Variants in CYP7B1 observed in about 807,000 individuals in gnomAD.
CYP7B1 encodes cytochrome P450 7B1.
In CYP7B1, 29 loss-of-function variants were observed where a neutral mutation model predicts 42.7. The ratio of observed to expected loss-of-function variants is 0.68; its 90% CI spans 0.51 to 0.93. CYP7B1 has a LOEUF of 0.93. Among genes scored for constraint, CYP7B1 ranks in the 40% least tolerant of loss-of-function variants. CYP7B1 has a pLI of 0.00. For synonymous variants in CYP7B1, 235 were observed against 218.2 expected, an observed-to-expected ratio of 1.08 and a Z score of -0.68; for missense variants, 655 against 600.5, an observed-to-expected ratio of 1.09 and a Z score of -0.95.
At chr8:64,723,762 A>T (rs1045602656) in intron 1 of CYP7B1, among the ~76,000 whole-genome samples, 1 of 152,186 alleles carries the variant, frequency 6.6e-6, no homozygotes, top group African/African-American at 2.4e-5. Flanking sequence ...ATCATATATA[A>T]TCAAAGATAT....
chr8:64,661,222 G>C (rs1336957395), intron 1 of CYP7B1, among the ~76,000 whole-genome samples: 1 of 152,214 alleles, frequency 6.6e-6, no homozygotes, highest in Non-Finnish European at 1.5e-5. Context: ...ATGAGTCTGA[G>C]TAGTGTGGGG....
At chr8:64,720,257 T>C (rs1464974017) in intron 1 of CYP7B1, among the ~76,000 whole-genome samples, 1 of 152,176 alleles carries the variant, frequency 6.6e-6, no homozygotes, top group Non-Finnish European at 1.5e-5. Flanking sequence ...AAGATGGTTG[T>C]TGCCAATTGT....
At chr8:64,666,214 C>A (rs888977938) in intron 1 of CYP7B1, among the ~76,000 whole-genome samples, 5 of 152,050 alleles carry the variant, frequency 3.3e-5, no homozygotes, top group Admixed American at 1.3e-4. Flanking sequence ...CTCAAAATAA[C>A]CCTTTAAATG....
At chr8:64,618,236 A>C (rs978239018) in intron 2 of CYP7B1, among the ~76,000 whole-genome samples, 3 of 151,994 alleles carry the variant, frequency 2.0e-5, no homozygotes, top group African/African-American at 7.2e-5. Flanking sequence ...ATATAATTTT[A>C]GGCAAAGTTG....
chr8:64,615,132 T>C lies in CYP7B1; in HGVS notation c.951A>G (p.Ala317=), dbSNP rs1332951105. The C allele has an allele frequency of 1.2e-6, 2 of 1,613,668 alleles. No homozygotes were observed. The highest frequency in any genetic ancestry group is 1.1e-5 in the South Asian group (1 of 91,064). Residue 317 remains alanine, a synonymous_variant, in exon 4 of 6, where the codon GCA becomes GCG. Coordinates refer to ENST00000310193, the MANE Select transcript of CYP7B1 (RefSeq NM_004820.5). ...YLLRHPEAMA[A]VRDEIDRLLQ... is the part of the protein sequence containing the mutation. ...GCAAACGGTCAATTTCGTCACGCAC[T>C]GCTGCCATAGCTTCTGGGTGCCGCA...
At chr8:64,728,397 A>C (rs1296379773) in intron 1 of CYP7B1, among the ~76,000 whole-genome samples, 1 of 152,204 alleles carries the variant, frequency 6.6e-6, no homozygotes, top group Non-Finnish European at 1.5e-5. Flanking sequence ...CAGGCCACTA[A>C]AGCCACTTGG....
At chr8:64,677,213 C>A (rs1318109875) in intron 1 of CYP7B1, among the ~76,000 whole-genome samples, 1 of 151,728 alleles carries the variant, frequency 6.6e-6, no homozygotes, top group Non-Finnish European at 1.5e-5. Context: ...CAGTTCCTAC[C>A]CTAACTGGCC....
intron 1 of CYP7B1, among the ~76,000 whole-genome samples, chr8:64,737,381 G>T (rs1807505625): frequency 6.6e-6 from 1 of 152,206 alleles, no homozygotes; most frequent in African/African-American, 2.4e-5. Flanking sequence ...AAGTCTGTTA[G>T]ATTTGGACCA....
At chr8:64,701,949 A>G (rs1806922324) in intron 1 of CYP7B1, among the ~76,000 whole-genome samples, 1 of 152,082 alleles carries the variant, frequency 6.6e-6, no homozygotes, top group Non-Finnish European at 1.5e-5. Flanking sequence ...TTATTTTATA[A>G]CAGATGAAAT....
intron 1 of CYP7B1, among the ~76,000 whole-genome samples, chr8:64,761,060 A>G (rs548576411): frequency 1.9e-3 from 283 of 152,318 alleles, no homozygotes; most frequent in African/African-American, 6.7e-3. Flanking sequence ...CTTGGAGGAC[A>G]TTATGCTAAA....
At chr8:64,598,563 C>T (rs551400393) in intron 5 of CYP7B1, among the ~76,000 whole-genome samples, 5 of 152,290 alleles carry the variant, frequency 3.3e-5, no homozygotes, top group African/African-American at 9.6e-5. Flanking sequence ...AAAATGAAAA[C>T]TTAGCTTGGA....
At chr8:64,722,526 T>C in intron 1 of CYP7B1, among the ~76,000 whole-genome samples, 1 of 152,030 alleles carries the variant, frequency 6.6e-6, no homozygotes, top group Non-Finnish European at 1.5e-5. Context: ...TTTTAATGCT[T>C]TTACTTTTGC....
chr8:64,652,521 T>C (rs1323839520), intron 1 of CYP7B1, among the ~76,000 whole-genome samples: 2 of 152,132 alleles, frequency 1.3e-5, no homozygotes, highest in Non-Finnish European at 1.5e-5. Flanking sequence ...ACTAAGAACA[T>C]TGCTCAAAAT....
chr8:64,653,849 G>A (rs1167965737), intron 1 of CYP7B1, among the ~76,000 whole-genome samples: 1 of 152,100 alleles, frequency 6.6e-6, no homozygotes, highest in Non-Finnish European at 1.5e-5. Context: ...TTCAACATAA[G>A]CAAATCAATA....
chr8:64,766,415 C>T (rs1052294361), intron 1 of CYP7B1, among the ~76,000 whole-genome samples: 3 of 152,010 alleles, frequency 2.0e-5, no homozygotes, highest in African/African-American at 7.3e-5. Context: ...CAAAAGTCTG[C>T]CTTAGGCCCA....
At chr8:64,798,389 ACTCCC>A (rs1441451345) in intron 1 of CYP7B1, 72 bp downstream of exon 1, 5 of 1,422,216 alleles carry the variant, frequency 3.5e-6, no homozygotes, top group Non-Finnish European at 3.6e-6. Context: ...ATGGAGGGGG[ACTCCC>A]CTCGCCATCT....
At chr8:64,760,696 A>G (rs1417701205) in intron 1 of CYP7B1, among the ~76,000 whole-genome samples, 1 of 152,104 alleles carries the variant, frequency 6.6e-6, no homozygotes, top group East Asian at 1.9e-4. Context: ...AATATAAGAA[A>G]TAACAAGTAT....
chr8:64,661,859 A>G (rs1307169264), intron 1 of CYP7B1, among the ~76,000 whole-genome samples: 1 of 152,212 alleles, frequency 6.6e-6, no homozygotes, highest in Non-Finnish European at 1.5e-5. Context: ...TGCTTTAGAA[A>G]AATAAATTTA....
chr8:64,624,335 CAGAA>C, intron 2 of CYP7B1, 64 bp downstream of exon 2: 2 of 1,452,996 alleles, frequency 1.4e-6, no homozygotes, highest in Non-Finnish European at 1.9e-6. Context: ...TAGAGAAAAA[CAGAA>C]AGACATTAAA....
Sources: allele counts gnomAD v4.1 joint callset (sites outside exome capture counted in the v4.1 genomes callset), GRCh38; gene constraint gnomAD v4.1.1; transcripts MANE v1.5; gene names NCBI Gene and HGNC (gene_info 2026-07-23, HGNC 2026-07-21).